The following KDM1B variants were observed in gnomAD, a reference collection of about 807,000 sequenced individuals.
KDM1B encodes the protein lysine demethylase 1B, also known as lysine-specific histone demethylase 2.
KDM1B carries 63 observed loss-of-function variants against 107.4 expected under a neutral mutation model. The ratio of observed to expected loss-of-function variants is 0.59; its 90% CI spans 0.48 to 0.72. The LOEUF is 0.72. KDM1B is among the 30% of genes least tolerant of loss of function. The probability of loss-of-function intolerance (pLI) is 0.00; values close to 1 mark genes in which losing one functional copy is unlikely to be tolerated. For missense variants in KDM1B, 749 were observed against 1,020.8 expected (o/e 0.73, Z 3.63); for synonymous variants, 363 against 363.9 (o/e 1.00, Z 0.03).
chr6:18,180,038 A>ATTT (rs111745055), intron 7 of KDM1B, among the ~76,000 whole-genome samples: 1 of 121,866 alleles, frequency 8.2e-6, no homozygotes, highest in Non-Finnish European at 1.8e-5. Context: ...TAATTTTTGT[A>ATTT]TTTTTTTTTT....
Position 18,205,511 on chromosome 6 carries a change from T to C in KDM1B, c.1532-26T>C. Reference sequence around the variant, plus strand: ...GAGAATCTTGTTAAAGCTATTTTTTTCTGCTTTGATCCATTCCCATTACAG... The same window carrying C: ...GAGAATCTTGTTAAAGCTATTTTTTCCTGCTTTGATCCATTCCCATTACAG... On this transcript the variant is annotated intron_variant, in intron 14 of 21. Coordinates refer to ENST00000650836, the MANE Select transcript of KDM1B (RefSeq NM_001364614.2). The surrounding 1 kb of genome is among the most constrained non-coding windows in gnomAD (Gnocchi z 5.7). 1.3e-6 allele frequency: 2 copies of C among 1,540,272 alleles called. No homozygotes were observed. The highest frequency in any genetic ancestry group is 8.8e-7 in the Non-Finnish European group (1 of 1,141,962).
rs1467349198 is a variant in KDM1B, at chr6:18,203,014, TTA to T, written c.1531+1358_1531+1359del. 6.6e-6 allele frequency among the ~76,000 whole-genome samples: 1 copy of T among 152,212 alleles called. No homozygotes were observed. Among genetic ancestry groups the T allele is most frequent in the East Asian group, 1.9e-4 (1 of 5,202 alleles). ...CGTGCAGGATATTCTCAGGACTTGG[TTA>T]GTGTTTTGTACCTGTGTTGCAGTCA... On this transcript the variant is annotated intron_variant, in intron 14 of 21. Coordinates refer to ENST00000650836, the MANE Select transcript of KDM1B (RefSeq NM_001364614.2). The surrounding 1 kb of genome is among the most constrained non-coding windows in gnomAD (Gnocchi z 5.5).
At chr6:18,179,836 ATT>A (rs1786310580) in intron 7 of KDM1B, among the ~76,000 whole-genome samples, 11 of 83,518 alleles carry the variant, frequency 1.3e-4, no homozygotes, top group Non-Finnish European at 2.1e-4. Context: ...TCAATTTAGC[ATT>A]GGTTTTTTTT....
In KDM1B at chr6:18,185,760, T is replaced by C; in HGVS notation, c.535-12T>C. ...AAGCAACCCTAATTTAACACTTGGT[T>C]TTCTTTTGTAGCCTGAGACCTCAGA... On this transcript the variant is annotated splice_polypyrimidine_tract_variant and intron_variant, in intron 7 of 21. Coordinates refer to ENST00000650836, the MANE Select transcript of KDM1B (RefSeq NM_001364614.2). 1.9e-6 allele frequency: 3 copies of C among 1,613,258 alleles called. No individual in the cohort carries two copies. The highest frequency in any genetic ancestry group is 2.5e-6 in the Non-Finnish European group (3 of 1,179,198).
chr6:18,185,824 G>T lies in KDM1B; in HGVS notation c.573+14G>T. On this transcript the variant is annotated intron_variant, in intron 8 of 21. Transcript: ENST00000650836. Reference sequence around the variant, plus strand: ...CCAGAGGATCTAGTGAGTATTTCCGGATGGTGTGGATTGGGGTTAATTGTG... The same window carrying T: ...CCAGAGGATCTAGTGAGTATTTCCGTATGGTGTGGATTGGGGTTAATTGTG... The T allele has an allele frequency of 6.2e-7, 1 of 1,612,614 alleles. No individual in the cohort carries two copies. The highest frequency in any genetic ancestry group is 8.5e-7 in the Non-Finnish European group (1 of 1,178,644).
intron 7 of KDM1B, among the ~76,000 whole-genome samples, chr6:18,181,501 A>T (rs9465108): frequency 2.0e-5 from 3 of 152,210 alleles, no homozygotes; most frequent in Non-Finnish European, 4.4e-5. Context: ...GCAGTGGCTC[A>T]TGCCTGTAAT....
intron 9 of KDM1B, 75 bp downstream of exon 9, chr6:18,188,077 CG>C: frequency 7.6e-7 from 1 of 1,319,588 alleles, no homozygotes; most frequent in East Asian, 2.5e-5. Context: ...GTGAGCAAAA[CG>C]CAAAGGATTT....
chr6:18,188,760 C>T (rs1275973500), intron 9 of KDM1B, among the ~76,000 whole-genome samples: 2 of 150,862 alleles, frequency 1.3e-5, no homozygotes, highest in East Asian at 1.9e-4. Context: ...ACTCCAAGCA[C>T]GTGCCACTAC....
chr6:18,191,386 G>A lies in KDM1B; in HGVS notation c.969+5G>A. 6.5e-7 allele frequency: 1 copy of A among 1,550,260 alleles called. No individual in the cohort carries two copies. The highest frequency in any genetic ancestry group is 8.7e-7 in the Non-Finnish European group (1 of 1,146,518). Reference sequence around the variant, plus strand: ...CTGTGGTATACTAACTGCAAAGTAAGTAAGGGCATGTTAGCCAATAGCACT... The same window carrying A: ...CTGTGGTATACTAACTGCAAAGTAAATAAGGGCATGTTAGCCAATAGCACT... On this transcript the variant is annotated splice_donor_5th_base_variant and intron_variant, in intron 10 of 21. Transcript: ENST00000650836. The surrounding 1 kb of genome is among the most constrained non-coding windows in gnomAD (Gnocchi z 5.1).
At chr6:18,170,933 G>C (rs1323118069) in intron 6 of KDM1B, among the ~76,000 whole-genome samples, 1 of 151,274 alleles carries the variant, frequency 6.6e-6, no homozygotes, top group Non-Finnish European at 1.5e-5. Context: ...CCATTCTCCT[G>C]CCTCAGCCTC....
rs1034969490 is a variant in KDM1B, at chr6:18,223,195, A to T, written c.*1203A>T. On this transcript the variant is annotated 3_prime_UTR_variant, in exon 22 of 22. Coordinates refer to ENST00000650836, the MANE Select transcript of KDM1B (RefSeq NM_001364614.2). ...ATAATATACTGGTTTGCTTTAAAGA[A>T]GGGACTAAATATGACTTTAAAGAGA... The T allele has an allele frequency of 6.6e-6, 1 of 152,602 alleles. No individual in the cohort carries two copies. The highest frequency in any genetic ancestry group is 2.4e-5 in the African/African-American group (1 of 41,424). The allele number at this position is 152,602 out of a possible 1,614,324, so 9.5% of individuals were successfully genotyped here. A position where few individuals can be genotyped will look rare whatever the true frequency, so the allele number is the denominator to read the frequency against.
chr6:18,214,778 C>T lies in KDM1B; in HGVS notation c.2110-229C>T, dbSNP rs1168893022. Among the ~76,000 whole-genome samples the T allele has an allele frequency of 1.3e-5, 2 of 152,140 alleles. No homozygotes were observed. The highest frequency in any genetic ancestry group is 2.4e-5 in the African/African-American group (1 of 41,428). On this transcript the variant is annotated intron_variant, in intron 19 of 21. Transcript: ENST00000650836. This position sits in a 1 kb window ranked among gnomAD's most constrained non-coding sequence, Gnocchi z 4.4. ...TACAAAAGTTAGCCGGGCATGGTGG[C>T]AGACGCCTGTAATCCCAGCTACTCT...
At chr6:18,208,603 GTA>G (rs774817680) in intron 17 of KDM1B, among the ~76,000 whole-genome samples, 2,702 of 34,856 alleles carry the variant, frequency 0.078, 221 homozygotes, top group East Asian at 0.19. Context: ...GTATGTGTAT[GTA>G]TATATATATA....
At chr6:18,208,390 C>T (rs1480435118) in intron 17 of KDM1B, among the ~76,000 whole-genome samples, 184 bp downstream of exon 17, 1 of 151,572 alleles carries the variant, frequency 6.6e-6, no homozygotes, top group Non-Finnish European at 1.5e-5. Context: ...TTTCATTGCT[C>T]TAACACTGTA....
At chr6:18,178,877 C>G (rs1307342428) in intron 7 of KDM1B, among the ~76,000 whole-genome samples, 1 of 152,204 alleles carries the variant, frequency 6.6e-6, no homozygotes, top group Non-Finnish European at 1.5e-5. Flanking sequence ...TCATGATTGT[C>G]TACAAACCTC....
rs1170778284 is a variant in KDM1B at position 18,212,823 on chromosome 6, A to G, written c.1983+219A>G. 5.3e-5 allele frequency among the ~76,000 whole-genome samples: 8 copies of G among 152,248 alleles called. No individual in the cohort carries two copies. Among genetic ancestry groups the G allele is most frequent in the Admixed American group, 3.9e-4 (6 of 15,276 alleles). On this transcript the variant is annotated intron_variant, in intron 18 of 21. Coordinates refer to ENST00000650836, the MANE Select transcript of KDM1B (RefSeq NM_001364614.2). The surrounding 1 kb of genome is among the most constrained non-coding windows in gnomAD (Gnocchi z 5.2). The stretch of plus-strand genomic sequence containing the variant: ...TCTGTGAGTTTTGACTTTAGGAGAA[A>G]GAATCTTGTTATTCACAATTTGAAT...
At position 18,211,319 on chromosome 6, in the gene KDM1B, G is replaced by A. The variant is rs1376183739; in HGVS notation, c.1867-1169G>A. Among the ~76,000 whole-genome samples, 1 of 151,880 alleles carries A rather than the reference G, an allele frequency of 6.6e-6. No homozygotes were observed. The highest frequency in any genetic ancestry group is 2.4e-5 in the African/African-American group (1 of 41,332). ...CAACTCCATTCCACTCTGATCCTAG[G>A]GTGTCATCCTGTACTGCAGATATTA... On this transcript the variant is annotated intron_variant, in intron 17 of 21. Coordinates refer to ENST00000650836, the MANE Select transcript of KDM1B (RefSeq NM_001364614.2). The surrounding 1 kb of genome is among the most constrained non-coding windows in gnomAD (Gnocchi z 5.2).
chr6:18,161,455 G>T lies in KDM1B; in HGVS notation c.215+1G>T. 1 of 1,613,920 alleles carries T rather than the reference G, an allele frequency of 6.2e-7. No individual in the cohort carries two copies. The highest frequency in any genetic ancestry group is 8.5e-7 in the Non-Finnish European group (1 of 1,179,968). The stretch of plus-strand genomic sequence containing the variant: ...TGTGCTTTGCAAGTGCTTCTGAAAG[G>T]TCTGTTTAGATGTGTGTCTTGGCCT... On this transcript the variant is annotated splice_donor_variant, in intron 4 of 21. Coordinates refer to ENST00000650836, the MANE Select transcript of KDM1B (RefSeq NM_001364614.2). LOFTEE classifies it high-confidence loss of function.
At chr6:18,170,160 C>G (rs996867781) in intron 6 of KDM1B, among the ~76,000 whole-genome samples, 2 of 152,148 alleles carry the variant, frequency 1.3e-5, no homozygotes, top group Non-Finnish European at 1.5e-5. Context: ...ATTCACCTGC[C>G]TCAGCCTCCC....
Sources: gnomAD v4.1 joint callset for allele counts (sites outside exome capture counted in the v4.1 genomes callset) on GRCh38, gnomAD v4.1.1 for gene constraint, Gnocchi (gnomAD v3.1) non-coding constraint, MANE v1.5 for transcripts, NCBI Gene and HGNC (gene_info 2026-07-23, HGNC 2026-07-21) for gene names.